The following KIFC3 variants were observed in gnomAD, a reference collection of about 807,000 sequenced individuals.
KIFC3 encodes the protein kinesin family member C3, also known as kinesin-like protein KIFC3.
In KIFC3, 60 loss-of-function variants were observed where a neutral mutation model predicts 101.8. The ratio of observed to expected loss-of-function variants is 0.59; its 90% CI spans 0.48 to 0.73. The LOEUF is 0.73. KIFC3 is among the 30% of genes least tolerant of loss of function. The pLI is 0.00. For missense variants in KIFC3, 966 were observed against 1,137.1 expected, an observed-to-expected ratio of 0.85 and a Z score of 2.16; for synonymous variants, 476 against 482.7, an observed-to-expected ratio of 0.99 and a Z score of 0.18.
chr16:57,814,152 C>T (rs1598194631), intron 1 of KIFC3, among the ~76,000 whole-genome samples: 1 of 152,248 alleles, frequency 6.6e-6, no homozygotes, highest in Non-Finnish European at 1.5e-5. Context: ...TTCTCTCCCA[C>T]TGACCCCACA....
intron 18 of KIFC3, 31 bp downstream of exon 18, chr16:57,759,697 C>CT: frequency 6.5e-7 from 1 of 1,544,772 alleles, no homozygotes; most frequent in Non-Finnish European, 8.9e-7. Context: ...CCTGGGGAGA[C>CT]TCCCCACCCA....
chr16:57,823,761 T>TGTGTG lies in KIFC3; in HGVS notation c.109-25480_109-25479insCACAC, dbSNP rs1568088450. On this transcript the variant is annotated intron_variant, in intron 1 of 2. Coordinates refer to the KIFC3 transcript ENST00000563028. The stretch of plus-strand genomic sequence containing the variant: ...GTGTGCACCACCACACCCGGCTACT[T>TGTGTG]TGTGTGTGTGTGTGTGTGTGTGTGT... 9.5e-3 allele frequency among the ~76,000 whole-genome samples: 1,295 copies of TGTGTG among 136,712 alleles called. 8 individuals carry two copies. Among genetic ancestry groups the TGTGTG allele is most frequent in the Middle Eastern group, 0.018 (5 of 276 alleles). The allele number at this position is 136,712 out of a possible 152,430, so 89.7% of individuals were successfully genotyped here. A position where few individuals can be genotyped will look rare whatever the true frequency, so the allele number is the denominator to read the frequency against.
In KIFC3 at chr16:57,760,669, C is replaced by T. The variant is rs972663219; in HGVS notation, c.2232+57G>A. 1.3e-5 allele frequency: 19 copies of T among 1,477,642 alleles called. 1 individual carries two copies. In the South Asian group the frequency reaches 2.1e-4, roughly 16 times the overall value. The allele number at this position is 1,477,642 out of a possible 1,614,324, so 91.5% of individuals were successfully genotyped here. A position where few individuals can be genotyped will look rare whatever the true frequency, so the allele number is the denominator to read the frequency against. ...CACAGCCTGGGGTGACTGGGTCTCA[C>T]TGCTAGCGTAGCCCCTACATGCTAG... On this transcript the variant is annotated intron_variant, in intron 16 of 19. Transcript: ENST00000445690.
chr16:57,861,617 C>T (rs1018903277), intron 1 of KIFC3, among the ~76,000 whole-genome samples: 1 of 152,050 alleles, frequency 6.6e-6, no homozygotes, highest in Admixed American at 6.6e-5. Flanking sequence ...CAATTTGCAC[C>T]ATGGTACTGG....
chr16:57,798,347 G>T, intron 1 of KIFC3, 65 bp from the exon 2 acceptor site: 1 of 1,429,140 alleles, frequency 7.0e-7, no homozygotes, highest in Non-Finnish European at 9.5e-7. Flanking sequence ...ACCTCGGGCA[G>T]AGCCAGCCAT....
upstream of KIFC3, chr16:57,803,133 A>T: frequency 9.0e-7 from 1 of 1,114,210 alleles, no homozygotes; most frequent in African/African-American, 1.5e-5. Context: ...CCAGCAAATG[A>T]ATATCTTCCC....
intron 1 of KIFC3, among the ~76,000 whole-genome samples, chr16:57,829,861 G>A (rs974418087): frequency 2.0e-5 from 3 of 152,192 alleles, no homozygotes; most frequent in Admixed American, 2.0e-4. Context: ...AAGTGTCCCA[G>A]GCTCAATTTT....
At chr16:57,855,593 A>G (rs2056148715) in intron 1 of KIFC3, among the ~76,000 whole-genome samples, 1 of 152,032 alleles carries the variant, frequency 6.6e-6, no homozygotes, top group Admixed American at 6.6e-5. Context: ...CAACCTAAGA[A>G]ACTATCATAA....
At chr16:57,777,526 C>A (rs2052245579) in intron 3 of KIFC3, among the ~76,000 whole-genome samples, 1 of 151,858 alleles carries the variant, frequency 6.6e-6, no homozygotes, top group Non-Finnish European at 1.5e-5. Flanking sequence ...TTTGAGGCCA[C>A]CCTGGCCAAC....
At chr16:57,792,120 C>T (rs548850684) in intron 3 of KIFC3, among the ~76,000 whole-genome samples, 3 of 152,190 alleles carry the variant, frequency 2.0e-5, no homozygotes, top group Non-Finnish European at 2.9e-5. Context: ...CTTCAAGGCT[C>T]TGTGGAAATG....
chr16:57,850,465 GTTTTT>G (rs373157438), intron 1 of KIFC3, among the ~76,000 whole-genome samples: 5 of 84,108 alleles, frequency 5.9e-5, no homozygotes, highest in Admixed American at 5.5e-4. Flanking sequence ...TTTAAAAAGG[GTTTTT>G]TTTTTTTTTT....
intron 1 of KIFC3, among the ~76,000 whole-genome samples, chr16:57,814,786 C>A (rs2055182046): frequency 1.3e-5 from 2 of 152,076 alleles, no homozygotes; most frequent in South Asian, 2.1e-4. Flanking sequence ...CCAACACACC[C>A]AGTTGTTTGT....
chr16:57,758,267 C>T lies in KIFC3; in HGVS notation c.*667G>A. The T allele has an allele frequency of 4.3e-6, 1 of 231,664 alleles. No individual in the cohort carries two copies. The highest frequency in any genetic ancestry group is 5.3e-5 in the Admixed American group (1 of 19,036). 14.4% of individuals were successfully genotyped at this position (231,664 alleles called of 1,614,324 possible). ...TAATAAGTAAAAATGGCTAAGCTTCCAAAAGTTCTTAAATAGGATTTCAGA... is the reference window on the plus strand; with the variant it reads ...TAATAAGTAAAAATGGCTAAGCTTCTAAAAGTTCTTAAATAGGATTTCAGA... On this transcript the variant is annotated 3_prime_UTR_variant, in exon 20 of 20. Transcript: ENST00000445690.
At chr16:57,802,682 C>T (rs928131989), upstream of KIFC3, 3 of 931,776 alleles carry the variant, frequency 3.2e-6, no homozygotes, top group Non-Finnish European at 4.5e-6. The surrounding 1 kb of genome is among the most constrained non-coding windows in gnomAD (Gnocchi z 5.0). Context: ...CTTCGCGGGG[C>T]CTCCCACTCG....
At chr16:57,825,165 C>G (rs570747422) in intron 1 of KIFC3, among the ~76,000 whole-genome samples, 1 of 152,352 alleles carries the variant, frequency 6.6e-6, no homozygotes, top group African/African-American at 2.4e-5. Context: ...CACAGATGAC[C>G]TCTTGAGGGA....
chr16:57,778,269 G>C (rs1445322073), intron 3 of KIFC3, among the ~76,000 whole-genome samples: 3 of 152,144 alleles, frequency 2.0e-5, no homozygotes, highest in Admixed American at 6.5e-5. Context: ...AATACAGCAA[G>C]ATCTTGTGTC....
At chr16:57,797,925 C>A in intron 2 of KIFC3, 147 bp downstream of exon 2, 2 of 1,511,928 alleles carry the variant, frequency 1.3e-6, no homozygotes, top group South Asian at 1.3e-5. Context: ...TCCGGCTCCA[C>A]GCCCGCCTGG....
upstream of KIFC3, chr16:57,802,556 C>G (rs1332952796): frequency 2.0e-6 from 2 of 990,332 alleles, no homozygotes; most frequent in Non-Finnish European, 2.4e-6. This position sits in a 1 kb window ranked among gnomAD's most constrained non-coding sequence, Gnocchi z 5.0. Context: ...CAACCGGCTC[C>G]GACCCCGGCG....
intron 2 of KIFC3, among the ~76,000 whole-genome samples, chr16:57,797,028 G>A (rs2054380647): frequency 6.6e-6 from 1 of 152,214 alleles, no homozygotes; most frequent in Non-Finnish European, 1.5e-5. Context: ...TCCCCAGCCT[G>A]GCTGTGCTGC....
Sources: gnomAD v4.1 joint callset for allele counts (sites outside exome capture counted in the v4.1 genomes callset) on GRCh38, gnomAD v4.1.1 for gene constraint, Gnocchi (gnomAD v3.1) non-coding constraint, MANE v1.5 for transcripts, NCBI Gene and HGNC (gene_info 2026-07-23, HGNC 2026-07-21) for gene names.